Variants in CSMD1 observed in about 807,000 individuals in gnomAD.
CSMD1 encodes the protein CUB and Sushi multiple domains 1.
CSMD1 carries 213 observed loss-of-function variants against 417.5 expected under a neutral mutation model. The observed-to-expected ratio is 0.51, with a 90% confidence interval of 0.46 to 0.57. CSMD1 has a LOEUF of 0.57. Among genes scored for constraint, CSMD1 ranks in the 20% least tolerant of loss-of-function variants. The probability of loss-of-function intolerance (pLI) is 0.00; values close to 1 mark genes in which losing one functional copy is unlikely to be tolerated. For missense variants in CSMD1, 6,923 were observed against 4,529.7 expected (o/e 1.53, Z -15.17); for synonymous variants, 2,862 against 1,736.8 (o/e 1.65, Z -16.11).
At chr8:3,411,072 T>C (rs73174806) in intron 12 of CSMD1, among the ~76,000 whole-genome samples, 24,326 of 152,104 alleles carry the variant, frequency 0.16, 1,968 homozygotes, top group African/African-American at 0.17. Flanking sequence ...CCCTGCCTGT[T>C]GGGCTTCCTG....
rs139453490 is a variant in CSMD1 at position 3,069,254 on chromosome 8, T to C, written c.7475-16607A>G. On this transcript the variant is annotated intron_variant, in intron 49 of 69. Transcript: ENST00000635120. ...CTTGAGACCAGCCTGGCCAACATGG[T>C]GAACACCCTGTCGCTACTAAAAATA... Among the ~76,000 whole-genome samples, 1,112 of 151,802 alleles carry C rather than the reference T, an allele frequency of 7.3e-3. 14 individuals are homozygous for C. The highest frequency in any genetic ancestry group is 0.025 in the African/African-American group (1,041 of 41,370).
chr8:4,203,635 G>A (rs1449171472), intron 3 of CSMD1, among the ~76,000 whole-genome samples: 3 of 152,174 alleles, frequency 2.0e-5, no homozygotes, highest in South Asian at 2.1e-4. Context: ...GCTGGGGGTG[G>A]ACACTACACA....
chr8:4,989,374 G>C (rs1280389886), intron 1 of CSMD1, among the ~76,000 whole-genome samples: 2 of 152,140 alleles, frequency 1.3e-5, no homozygotes, highest in African/African-American at 4.8e-5. Flanking sequence ...CTTAGTCCAA[G>C]TTCCTACTTT....
At chr8:4,752,753 G>T (rs931774385) in intron 1 of CSMD1, among the ~76,000 whole-genome samples, 5 of 152,174 alleles carry the variant, frequency 3.3e-5, no homozygotes, top group Admixed American at 3.3e-4. Flanking sequence ...TTGCTCCGTG[G>T]AAGGACAAAA....
chr8:4,100,107 C>G (rs552184116), intron 3 of CSMD1, among the ~76,000 whole-genome samples: 6 of 152,286 alleles, frequency 3.9e-5, no homozygotes, highest in Admixed American at 1.3e-4. Flanking sequence ...CACTGGCTTT[C>G]TGACTCCGGG....
intron 1 of CSMD1, among the ~76,000 whole-genome samples, chr8:4,784,240 A>C (rs1439659630): frequency 6.6e-6 from 1 of 152,216 alleles, no homozygotes; most frequent in Non-Finnish European, 1.5e-5. Flanking sequence ...TTGTAATTGG[A>C]AAAGTCAAGC....
chr8:4,486,192 T>TACATAC (rs1563223961), intron 2 of CSMD1, among the ~76,000 whole-genome samples: 2 of 12,164 alleles, frequency 1.6e-4, no homozygotes, highest in Admixed American at 9.5e-4. Context: ...TATATATATA[T>TACATAC]ATATATACAT....
chr8:3,858,716 T>C (rs371803786), intron 5 of CSMD1, among the ~76,000 whole-genome samples: 21 of 152,118 alleles, frequency 1.4e-4, no homozygotes, highest in African/African-American at 4.8e-4. Flanking sequence ...AAATAGTCCA[T>C]AAATCAGATT....
At chr8:3,332,072 CAATT>C (rs1308284627) in intron 23 of CSMD1, among the ~76,000 whole-genome samples, 1 of 151,994 alleles carries the variant, frequency 6.6e-6, no homozygotes, top group African/African-American at 2.4e-5. Flanking sequence ...AATAGATGAT[CAATT>C]AATTGACAGA....
intron 49 of CSMD1, among the ~76,000 whole-genome samples, chr8:3,061,609 C>A (rs879849685): frequency 6.6e-6 from 1 of 152,128 alleles, no homozygotes; most frequent in African/African-American, 2.4e-5. Flanking sequence ...TTACACGAAC[C>A]AGCACCGATC....
Position 3,087,329 on chromosome 8 carries a change from C to G in CSMD1, c.7286-44G>C, listed in dbSNP as rs1250047145. On this transcript the variant is annotated intron_variant, in intron 48 of 69. Transcript: ENST00000635120. ...ACACAGAAATAAGTCAACAAGCAAA[C>G]AAATGGCCAGTGCCATTGCCTTTGT... 3 of 1,591,324 alleles carry G rather than the reference C, an allele frequency of 1.9e-6. No individual in the cohort carries two copies. In the South Asian group the frequency reaches 3.3e-5, roughly 18 times the overall value.
chr8:4,164,663 A>C (rs930409457), intron 3 of CSMD1, among the ~76,000 whole-genome samples: 2 of 152,156 alleles, frequency 1.3e-5, no homozygotes, highest in African/African-American at 4.8e-5. Flanking sequence ...GACACGATTG[A>C]ATTTTGAGAA....
chr8:4,445,364 T>C (rs1015038923), intron 2 of CSMD1, among the ~76,000 whole-genome samples: 1 of 152,232 alleles, frequency 6.6e-6, no homozygotes, highest in Admixed American at 6.5e-5. Context: ...TTCCTTAATA[T>C]CTCATTTGAG....
intron 19 of CSMD1, 101 bp from the exon 20 acceptor site, chr8:3,367,348 A>G (rs1050425202): frequency 6.9e-5 from 50 of 722,362 alleles, no homozygotes; most frequent in Non-Finnish European, 1.0e-4. Flanking sequence ...AGACATAGAG[A>G]TGACAGAGAT....
intron 26 of CSMD1, among the ~76,000 whole-genome samples, chr8:3,245,849 T>G (rs771165577): frequency 1.3e-5 from 2 of 152,222 alleles, no homozygotes; most frequent in Non-Finnish European, 2.9e-5. Context: ...GACTTTTATC[T>G]GCTTGATAAT....
intron 3 of CSMD1, among the ~76,000 whole-genome samples, chr8:4,277,070 G>C (rs1175576415): frequency 6.6e-6 from 1 of 152,046 alleles, no homozygotes; most frequent in African/African-American, 2.4e-5. Flanking sequence ...TTACAATGTT[G>C]TGTGTTTTAT....
chr8:3,047,146 T>G (rs1811507223), intron 50 of CSMD1, among the ~76,000 whole-genome samples: 1 of 145,640 alleles, frequency 6.9e-6, no homozygotes, highest in Non-Finnish European at 1.5e-5. Flanking sequence ...AGGGGGAGGT[T>G]GCAGTGGACC....
At chr8:3,590,565 G>A (rs139778631) in intron 8 of CSMD1, among the ~76,000 whole-genome samples, 1 of 152,162 alleles carries the variant, frequency 6.6e-6, no homozygotes, top group South Asian at 2.1e-4. Flanking sequence ...AGTACATTGA[G>A]AGTACAGTAT....
At chr8:4,977,685 G>C (rs1257443745) in intron 1 of CSMD1, among the ~76,000 whole-genome samples, 1 of 152,152 alleles carries the variant, frequency 6.6e-6, no homozygotes, top group Admixed American at 6.5e-5. Flanking sequence ...ATTGTTAAGT[G>C]AGCGCCTCCT....
Sources: gnomAD v4.1 joint callset for allele counts (sites outside exome capture counted in the v4.1 genomes callset) on GRCh38, gnomAD v4.1.1 for gene constraint, MANE v1.5 for transcripts, NCBI Gene and HGNC (gene_info 2026-07-23, HGNC 2026-07-21) for gene names.